Variants in UBASH3A observed in about 807,000 individuals in gnomAD.
The protein encoded by UBASH3A is ubiquitin-associated and SH3 domain-containing protein A.
A neutral mutation model predicts 73.5 loss-of-function variants in UBASH3A; 63 were observed. That is an observed-to-expected ratio of 0.86 (90% CI 0.70 to 1.06). UBASH3A has a LOEUF of 1.06. Ranked by LOEUF, UBASH3A falls within the 50% of genes least tolerant of loss-of-function variation. The probability of loss-of-function intolerance (pLI) is 0.00; values close to 1 mark genes in which losing one functional copy is unlikely to be tolerated. For synonymous variants in UBASH3A, 363 were observed against 351.1 expected (o/e 1.03, Z -0.38); for missense variants, 860 against 859.0 (o/e 1.00, Z -0.02).
intron 3 of UBASH3A, among the ~76,000 whole-genome samples, chr21:42,411,169 G>GACATACATAGATATAGACACACAGAC (rs1483165555): frequency 6.6e-6 from 1 of 150,416 alleles, no homozygotes; most frequent in African/African-American, 2.5e-5. Flanking sequence ...CCTGCATACA[G>GACATACATAGATATAGACACACAGAC]ACATACATAG....
chr21:42,435,848 T>C (rs1438277302), intron 10 of UBASH3A, among the ~76,000 whole-genome samples: 1 of 151,922 alleles, frequency 6.6e-6, no homozygotes. Flanking sequence ...TATAGAGTTA[T>C]AGAGTTAGTT....
rs997871739 is a variant in UBASH3A, at chr21:42,443,493, A to G, written c.1738+75A>G. On this transcript the variant is annotated intron_variant, in intron 13 of 14. Coordinates refer to ENST00000319294, the MANE Select transcript of UBASH3A (RefSeq NM_018961.4). Reference sequence around the variant, plus strand: ...TTATCTCTGAGATGGAAATTGGCCAATTTTCTGAACCTATGAATGCCCCTA... The same window carrying G: ...TTATCTCTGAGATGGAAATTGGCCAGTTTTCTGAACCTATGAATGCCCCTA... 5.3e-6 allele frequency: 7 copies of G among 1,330,772 alleles called. No homozygotes were observed. The African/African-American group carries it at 1.0e-4, about 20-fold the overall frequency. 82.4% of individuals were successfully genotyped at this position (1,330,772 alleles called of 1,614,324 possible).
intron 12 of UBASH3A, 124 bp downstream of exon 12, chr21:42,442,720 G>A: frequency 5.6e-6 from 6 of 1,067,460 alleles, no homozygotes; most frequent in Non-Finnish European, 6.7e-6. Flanking sequence ...GTGGGGTTTT[G>A]CAGCAGGGGA....
intron 14 of UBASH3A, among the ~76,000 whole-genome samples, chr21:42,444,967 C>T (rs2053821529): frequency 1.3e-5 from 2 of 152,132 alleles, no homozygotes; most frequent in African/African-American, 2.4e-5. Flanking sequence ...AGGGAAGAAA[C>T]GACTGTGGGA....
intron 8 of UBASH3A, among the ~76,000 whole-genome samples, chr21:42,428,820 C>T (rs1317010120): frequency 6.6e-6 from 1 of 152,098 alleles, no homozygotes; most frequent in Non-Finnish European, 1.5e-5. Flanking sequence ...ACTGGCCCCC[C>T]TCACACGGTC....
rs2053135814 is a variant in UBASH3A at position 42,413,155 on chromosome 21, T to C, written c.486T>C (p.Ser162=). The C allele has an allele frequency of 6.2e-7, 1 of 1,614,062 alleles. No homozygotes were observed. Among genetic ancestry groups the C allele is most frequent in the Non-Finnish European group, 8.5e-7 (1 of 1,180,034 alleles). Residue 162 remains serine, a synonymous_variant, in exon 4 of 15, where the codon AGT becomes AGC. Coordinates refer to ENST00000319294, the MANE Select transcript of UBASH3A (RefSeq NM_018961.4). The surrounding 1 kb of genome is among the most constrained non-coding windows in gnomAD (Gnocchi z 4.5). The stretch of plus-strand genomic sequence containing the variant: ...TCAGCTACCTCGGCTTCTTCGTCAG[T>C]GGCAGCCCCGCAGACGTCATCCGGG... ...SSISYLGFFV[S]GSPADVIREF...
At chr21:42,423,194 C>T (rs2053371653) in intron 7 of UBASH3A, among the ~76,000 whole-genome samples, 2 of 150,986 alleles carry the variant, frequency 1.3e-5, no homozygotes, top group South Asian at 2.1e-4. Flanking sequence ...AGAAAACAGA[C>T]ACACATTCAA....
chr21:42,429,049 G>A (rs867251207), intron 8 of UBASH3A, among the ~76,000 whole-genome samples: 6 of 152,204 alleles, frequency 3.9e-5, no homozygotes, highest in Admixed American at 6.5e-5. Flanking sequence ...CATCACAAGT[G>A]TGCTGATGAG....
chr21:42,431,340 C>A (rs2053525299), intron 8 of UBASH3A, among the ~76,000 whole-genome samples: 1 of 152,220 alleles, frequency 6.6e-6, no homozygotes, highest in African/African-American at 2.4e-5. Flanking sequence ...AGCACAGGCT[C>A]CCCAGAAAGA....
Position 42,443,356 on chromosome 21 carries a change from A to C in UBASH3A, c.1676A>C (p.Gln559Pro), listed in dbSNP as rs1250845669. The C allele has an allele frequency of 5.6e-6, 9 of 1,613,384 alleles. No homozygotes were observed. The highest frequency in any genetic ancestry group is 7.6e-6 in the Non-Finnish European group (9 of 1,179,720). Reference protein sequence around the residue: ...LSALMPAESYQEYMDRCTASM... With the variant: ...LSALMPAESYPEYMDRCTASM... ...GCCCTCATGCCGGCCGAGAGCTACCAGGAGTACATGGACAGGTGCACGGCG... is the reference window on the plus strand; with the variant it reads ...GCCCTCATGCCGGCCGAGAGCTACCCGGAGTACATGGACAGGTGCACGGCG... Residue 559 changes from glutamine (Q) to proline (P), a missense_variant, in exon 13 of 15, where the codon CAG becomes CCG. Gln to Pro is a moderately conservative substitution (Grantham distance 76, BLOSUM62 -1). Transcript: ENST00000319294.
intron 11 of UBASH3A, among the ~76,000 whole-genome samples, chr21:42,439,739 C>CCA (rs1321240798): frequency 1.5e-5 from 2 of 136,884 alleles, no homozygotes; most frequent in Non-Finnish European, 1.6e-5. Context: ...CCACACACAC[C>CCA]CACACACACC....
At chr21:42,432,324 G>A (rs938128012) in intron 9 of UBASH3A, 122 bp downstream of exon 9, 10 of 631,602 alleles carry the variant, frequency 1.6e-5, no homozygotes, top group Non-Finnish European at 2.8e-5. Context: ...GAATGACCAT[G>A]TGTAGACTGT....
At chr21:42,407,497 A>AT (rs1384950842) in intron 2 of UBASH3A, among the ~76,000 whole-genome samples, 1 of 152,226 alleles carries the variant, frequency 6.6e-6, no homozygotes, top group Admixed American at 6.5e-5. Flanking sequence ...AACCCAGTCA[A>AT]TAAGACTAGG....
chr21:42,409,285 T>C (rs1393243119), intron 2 of UBASH3A, 137 bp from the exon 3 acceptor site: 1 of 853,448 alleles, frequency 1.2e-6, no homozygotes, highest in Non-Finnish European at 1.7e-6. Context: ...GATTAATTTA[T>C]GTCATGAGCA....
Position 42,444,596 on chromosome 21 carries a change from G to C in UBASH3A, c.1801G>C (p.Gly601Arg), listed in dbSNP as rs111279809. The C allele has an allele frequency of 1.2e-6, 2 of 1,614,062 alleles. No individual in the cohort carries two copies. Among genetic ancestry groups the C allele is most frequent in the Non-Finnish European group, 1.7e-6 (2 of 1,180,048 alleles). ...GGACTCCTGCACGCGGCCACTGCTCGGGCTGCCGCCCCGGGAATGTGGGGA... is the reference window on the plus strand; with the variant it reads ...GGACTCCTGCACGCGGCCACTGCTCCGGCTGCCGCCCCGGGAATGTGGGGA... Reference protein sequence around the residue: ...TLDSCTRPLLGLPPRECGDFA... With the variant: ...TLDSCTRPLLRLPPRECGDFA... Residue 601 changes from glycine (G) to arginine (R), a missense_variant, in exon 14 of 15, where the codon GGG becomes CGG. By Grantham distance (125) the Gly-to-Arg change is moderately radical (BLOSUM62 -2). Coordinates refer to ENST00000319294, the MANE Select transcript of UBASH3A (RefSeq NM_018961.4).
In UBASH3A at chr21:42,406,346, A is replaced by T. The variant is rs1165401687; in HGVS notation, c.152A>T (p.Glu51Val). 2.5e-6 allele frequency: 4 copies of T among 1,613,940 alleles called. No individual in the cohort carries two copies. The highest frequency in any genetic ancestry group is 3.4e-6 in the Non-Finnish European group (4 of 1,179,930). ...GCAGCCACGGGGAGGAAGACGGCGGAGGAGGCCTTGGCCTGGTGAGTGCAG... is the reference window on the plus strand; with the variant it reads ...GCAGCCACGGGGAGGAAGACGGCGGTGGAGGCCTTGGCCTGGTGAGTGCAG... ...ALAATGRKTA[E>V]EALAWLHDHC... is the part of the protein sequence containing the mutation. The change falls in exon 2 of 15, where the codon GAG (glutamate) becomes GTG (valine). Residue 51 changes from glutamate (E) to valine (V), a missense_variant. Glu to Val is a moderately radical substitution (Grantham distance 121, BLOSUM62 -2). Transcript: ENST00000319294.
At chr21:42,411,892 T>C (rs952351324) in intron 3 of UBASH3A, among the ~76,000 whole-genome samples, 1 of 152,168 alleles carries the variant, frequency 6.6e-6, no homozygotes, top group East Asian at 1.9e-4. Flanking sequence ...TTGTGTTGAG[T>C]GCCGTTGAGG....
Position 42,442,498 on chromosome 21 carries a change from C to G in UBASH3A, c.1533C>G (p.Ile511Met), listed in dbSNP as rs1445488669. ...KKIKIRVEPG[I>M]FEWTKWEAGK... ...TCAAGATACGAGTGGAACCTGGAAT[C>G]TTTGAATGGACAAAATGGGAAGCTG... Residue 511 changes from isoleucine to methionine, a missense_variant, in exon 12 of 15, where the codon ATC becomes ATG. Physicochemically the swap from Ile to Met is conservative, Grantham distance 10 (BLOSUM62 1). Coordinates refer to ENST00000319294, the MANE Select transcript of UBASH3A (RefSeq NM_018961.4). 2 of 1,614,148 alleles carry G rather than the reference C, an allele frequency of 1.2e-6. No individual in the cohort carries two copies. Among genetic ancestry groups the G allele is most frequent in the South Asian group, 2.2e-5 (2 of 91,064 alleles).
chr21:42,440,310 G>A (rs574862953), intron 11 of UBASH3A, among the ~76,000 whole-genome samples: 2 of 152,360 alleles, frequency 1.3e-5, no homozygotes, highest in East Asian at 3.9e-4. Flanking sequence ...CGAGTATCTG[G>A]GGACCCTTCA....
Sources: gnomAD v4.1 joint callset for allele counts (sites outside exome capture counted in the v4.1 genomes callset) on GRCh38, gnomAD v4.1.1 for gene constraint, Gnocchi (gnomAD v3.1) non-coding constraint, MANE v1.5 for transcripts, NCBI Gene and HGNC (gene_info 2026-07-23, HGNC 2026-07-21) for gene names.